TRPC5: variants seen among roughly 807,000 people sequenced by gnomAD.
The protein encoded by TRPC5 is transient receptor potential cation channel subfamily C member 5, also known as short transient receptor potential channel 5.
In TRPC5, 9 loss-of-function variants were observed where a neutral mutation model predicts 56.5. That is an observed-to-expected ratio of 0.16 (90% CI 0.10 to 0.28). The LOEUF (loss-of-function observed/expected upper bound fraction) is 0.28, where lower values mean the gene tolerates loss of function less well. Ranked by LOEUF, TRPC5 falls within the 10% of genes least tolerant of loss-of-function variation. The pLI is 1.00. For missense variants in TRPC5, 469 were observed against 748.9 expected, an observed-to-expected ratio of 0.63 and a Z score of 4.36; for synonymous variants, 282 against 278.5, an observed-to-expected ratio of 1.01 and a Z score of -0.13.
At chrX:112,054,606 C>T (rs923996604) in intron 1 of TRPC5, among the ~76,000 whole-genome samples, 9 of 110,633 alleles carry the variant, frequency 8.1e-5, no homozygotes, top group Admixed American at 1.9e-4. Flanking sequence ...ATGGGGTGGG[C>T]GTGAGAGAGG....
chrX:112,030,806 G>C (rs980447805), intron 1 of TRPC5, among the ~76,000 whole-genome samples: 18 of 111,855 alleles, frequency 1.6e-4, no homozygotes, highest in Non-Finnish European at 3.0e-4. Flanking sequence ...CAAGAGAGGT[G>C]GAGTGGGATG....
intron 9 of TRPC5, among the ~76,000 whole-genome samples, chrX:111,779,582 T>C (rs2082254090): frequency 8.9e-6 from 1 of 112,234 alleles, no homozygotes; most frequent in Admixed American, 9.4e-5. Flanking sequence ...GGTCTACACA[T>C]GGTCACTACA....
At chrX:111,831,874 T>C (rs1922417700) in intron 7 of TRPC5, among the ~76,000 whole-genome samples, 1 of 111,231 alleles carries the variant, frequency 9.0e-6, no homozygotes, top group Non-Finnish European at 1.9e-5. Flanking sequence ...ATTGATCTTA[T>C]CTCTTCCACC....
intron 1 of TRPC5, among the ~76,000 whole-genome samples, chrX:112,033,112 T>C (rs941477730): frequency 9.5e-6 from 1 of 105,268 alleles, no homozygotes; most frequent in African/African-American, 3.5e-5. Flanking sequence ...AGCAAACTAT[T>C]GCAAGGACAG....
In TRPC5 at chrX:111,863,414, T is replaced by C. The variant is rs777374879; in HGVS notation, c.901-9308A>G. Among the ~76,000 whole-genome samples the C allele has an allele frequency of 1.4e-3, 160 of 112,049 alleles. No homozygotes were observed. The Admixed American group carries it at 0.015, about 10-fold the overall frequency. On this transcript the variant is annotated intron_variant, in intron 3 of 10. Transcript: ENST00000262839. ...AGTATGGGAGCTCAGTCCAAAACAATGGCCTTCCATAATTTTTGTTGAACA... is the reference window on the plus strand; with the variant it reads ...AGTATGGGAGCTCAGTCCAAAACAACGGCCTTCCATAATTTTTGTTGAACA...
chrX:111,837,202 G>C (rs910859058), intron 6 of TRPC5, among the ~76,000 whole-genome samples: 4 of 111,876 alleles, frequency 3.6e-5, no homozygotes, highest in African/African-American at 1.3e-4. Context: ...ACCTATCACA[G>C]GATCTAAATT....
At chrX:111,915,117 C>A (rs1925936851) in intron 2 of TRPC5, among the ~76,000 whole-genome samples, 1 of 110,799 alleles carries the variant, frequency 9.0e-6, no homozygotes, top group Admixed American at 9.6e-5. Flanking sequence ...TTTTCTTACT[C>A]TTTTCCTTTC....
chrX:111,910,118 A>T (rs1303951716), intron 3 of TRPC5, among the ~76,000 whole-genome samples: 2 of 112,326 alleles, frequency 1.8e-5, no homozygotes, highest in African/African-American at 3.2e-5. Flanking sequence ...AGTTGATCTC[A>T]TATTCAGTGG....
At chrX:111,916,681 C>A (rs1925986125) in intron 2 of TRPC5, among the ~76,000 whole-genome samples, 1 of 112,413 alleles carries the variant, frequency 8.9e-6, no homozygotes, top group Non-Finnish European at 1.9e-5. Context: ...GGGGCAGCTA[C>A]TACTCAGCTC....
intron 1 of TRPC5, among the ~76,000 whole-genome samples, chrX:111,998,496 G>T (rs1928606978): frequency 9.0e-6 from 1 of 111,431 alleles, no homozygotes; most frequent in South Asian, 3.8e-4. Flanking sequence ...CAGGACCCTT[G>T]TATTCCAAAA....
chrX:111,967,681 C>T (rs1375532684), intron 1 of TRPC5, among the ~76,000 whole-genome samples: 14 of 111,159 alleles, frequency 1.3e-4, no homozygotes, highest in Admixed American at 1.1e-3. Context: ...TATCTACAAC[C>T]ATCTGATCTT....
At chrX:112,006,671 G>C (rs1166084703) in intron 1 of TRPC5, among the ~76,000 whole-genome samples, 1 of 111,932 alleles carries the variant, frequency 8.9e-6, no homozygotes, top group African/African-American at 3.2e-5. Context: ...TGGGATGTAT[G>C]GGAAATTAGA....
chrX:112,048,563 T>C (rs193160413), intron 1 of TRPC5, among the ~76,000 whole-genome samples: 1 of 110,209 alleles, frequency 9.1e-6, no homozygotes, highest in East Asian at 2.9e-4. Flanking sequence ...ACCCTAACCA[T>C]ATTTGTGAGG....
chrX:111,912,180 AC>A, intron 3 of TRPC5, 110 bp downstream of exon 3: 1 of 933,180 alleles, frequency 1.1e-6, no homozygotes, highest in Non-Finnish European at 1.5e-6. Context: ...GGCCTGCCCA[AC>A]CATTTGTTTG....
At chrX:112,011,300 C>G (rs1928985624) in intron 1 of TRPC5, among the ~76,000 whole-genome samples, 1 of 111,699 alleles carries the variant, frequency 9.0e-6, no homozygotes, top group Non-Finnish European at 1.9e-5. Context: ...CAGAATGTAT[C>G]TAATCTGGCG....
At chrX:111,905,635 C>A (rs1337492863) in intron 3 of TRPC5, among the ~76,000 whole-genome samples, 3 of 111,877 alleles carry the variant, frequency 2.7e-5, no homozygotes, top group African/African-American at 9.8e-5. Context: ...CTGAAGGCGG[C>A]CGGACGCGGT....
chrX:111,944,518 C>T (rs1400619567), intron 2 of TRPC5, among the ~76,000 whole-genome samples: 1 of 110,544 alleles, frequency 9.0e-6, no homozygotes, highest in East Asian at 2.8e-4. Context: ...CTGTGTCCCC[C>T]AAAAGATATA....
intron 1 of TRPC5, among the ~76,000 whole-genome samples, chrX:112,019,822 AT>A (rs1265883279): frequency 9.1e-6 from 1 of 109,297 alleles, no homozygotes. Context: ...ATCTCATGTT[AT>A]TTTTTTTTCT....
intron 3 of TRPC5, among the ~76,000 whole-genome samples, chrX:111,899,982 A>G (rs1925259435): frequency 9.1e-6 from 1 of 110,475 alleles, no homozygotes; most frequent in South Asian, 3.9e-4. Flanking sequence ...GACAAACCCC[A>G]TGTGTACTGG....
Sources: allele counts gnomAD v4.1 joint callset (sites outside exome capture counted in the v4.1 genomes callset), GRCh38; gene constraint gnomAD v4.1.1; transcripts MANE v1.5; gene names NCBI Gene and HGNC (gene_info 2026-07-23, HGNC 2026-07-21).